Variants in PXDNL observed in about 807,000 individuals in gnomAD.
PXDNL encodes peroxidasin like.
Under a neutral mutation model 150.8 loss-of-function variants are expected in PXDNL, and 145 were observed. That is an observed-to-expected ratio of 0.96 (90% CI 0.84 to 1.10). The LOEUF (loss-of-function observed/expected upper bound fraction) is 1.10, where lower values mean the gene tolerates loss of function less well. Ranked by LOEUF, PXDNL falls within the 50% of genes least tolerant of loss-of-function variation. The pLI is 0.00. For missense variants in PXDNL, 2,087 were observed against 1,873.9 expected, an observed-to-expected ratio of 1.11 and a Z score of -2.10; for synonymous variants, 757 against 725.7, an observed-to-expected ratio of 1.04 and a Z score of -0.69.
intron 7 of PXDNL, among the ~76,000 whole-genome samples, chr8:51,473,955 T>A (rs1401701236): frequency 6.6e-6 from 1 of 152,198 alleles, no homozygotes; most frequent in African/African-American, 2.4e-5. Context: ...AAAGCTGGGA[T>A]ATCAGTTAAG....
Position 51,372,023 on chromosome 8 carries a change from C to T in PXDNL, c.3751G>A (p.Ala1251Thr). ...TCACAAAGCACCCGGCTCAGGGACG[C>T]CTGCTTCAGCTGAGTGAGTTGTGCC... ...TPAQLTQLKQASLSRVLCDNG... is the reference protein window; with the variant it reads ...TPAQLTQLKQTSLSRVLCDNG... The change falls in exon 19 of 23, where the codon GCG becomes ACG. Residue 1251 changes from alanine (A) to threonine (T), a missense_variant. By Grantham distance (58) the Ala-to-Thr change is moderately conservative. Coordinates refer to ENST00000356297, the MANE Select transcript of PXDNL (RefSeq NM_144651.5). 2 of 1,611,788 alleles carry T rather than the reference C, an allele frequency of 1.2e-6. No individual in the cohort carries two copies. Among genetic ancestry groups the T allele is most frequent in the South Asian group, 1.1e-5 (1 of 90,578 alleles).
chr8:51,452,514 C>T (rs1308067796), intron 10 of PXDNL, among the ~76,000 whole-genome samples: 2 of 152,168 alleles, frequency 1.3e-5, no homozygotes, highest in Admixed American at 1.3e-4. Flanking sequence ...AAAACATTCT[C>T]TGAATGCAGG....
At chr8:51,417,103 A>C (rs893944905) in intron 14 of PXDNL, among the ~76,000 whole-genome samples, 1 of 152,212 alleles carries the variant, frequency 6.6e-6, no homozygotes, top group Non-Finnish European at 1.5e-5. Context: ...AGAATTAATC[A>C]ATACTGTTGT....
At chr8:51,426,535 G>C (rs542705273) in intron 13 of PXDNL, 111 bp downstream of exon 13, 1 of 601,514 alleles carries the variant, frequency 1.7e-6, no homozygotes, top group African/African-American at 1.9e-5. Context: ...TTATTTGCTA[G>C]CAAAAGTCGC....
At chr8:51,486,777 TATATATATATATATATA>T (rs1254517511) in intron 5 of PXDNL, among the ~76,000 whole-genome samples, 25 of 12,074 alleles carry the variant, frequency 2.1e-3, no homozygotes, top group Admixed American at 4.6e-3. Context: ...TATATATATA[TATATATATATATATATA>T]TTTTTTTTTT....
intron 1 of PXDNL, among the ~76,000 whole-genome samples, chr8:51,667,260 TGTGCCG>T (rs1349407199): frequency 1.3e-5 from 2 of 152,214 alleles, no homozygotes; most frequent in Non-Finnish European, 2.9e-5. Flanking sequence ...CCACAGCTTC[TGTGCCG>T]CACAGAGCAT....
chr8:51,772,999 G>T (rs2037315168), intron 1 of PXDNL, among the ~76,000 whole-genome samples: 1 of 152,210 alleles, frequency 6.6e-6, no homozygotes, highest in Non-Finnish European at 1.5e-5. Flanking sequence ...ACACAACTGT[G>T]ATCTAGAGTT....
intron 1 of PXDNL, among the ~76,000 whole-genome samples, chr8:51,735,426 AGT>A (rs1817011575): frequency 1.3e-5 from 2 of 151,936 alleles, no homozygotes; most frequent in Non-Finnish European, 2.9e-5. Flanking sequence ...CAGAGGTTGC[AGT>A]GAGTCGAGAT....
chr8:51,666,852 TTC>T lies in PXDNL; in HGVS notation c.165-12094_165-12093del, dbSNP rs1815397719. 2.0e-5 allele frequency among the ~76,000 whole-genome samples: 3 copies of T among 152,154 alleles called. No homozygotes were observed. The South Asian group carries it at 6.2e-4, about 32-fold the overall frequency. On this transcript the variant is annotated intron_variant, in intron 1 of 22. Transcript: ENST00000356297. ...GTAGGAAAGCAAACTATGTTGGTTT[TTC>T]TGTCAATTTATTTTAATTCTCCCAG...
At chr8:51,659,413 C>T (rs970671357) in intron 1 of PXDNL, among the ~76,000 whole-genome samples, 12 of 152,128 alleles carry the variant, frequency 7.9e-5, no homozygotes, top group African/African-American at 2.9e-4. Context: ...AGAAGCAATT[C>T]GGAATCAACA....
chr8:51,623,840 T>A (rs914515400), intron 2 of PXDNL, among the ~76,000 whole-genome samples: 1 of 152,070 alleles, frequency 6.6e-6, no homozygotes, highest in Non-Finnish European at 1.5e-5. Flanking sequence ...ACACTTATAA[T>A]CCCAGCACTC....
chr8:51,529,831 C>G (rs1323396278), intron 4 of PXDNL, among the ~76,000 whole-genome samples: 3 of 152,210 alleles, frequency 2.0e-5, no homozygotes, highest in South Asian at 4.1e-4. Flanking sequence ...CACGAAAACT[C>G]TTCTTCTAGG....
chr8:51,761,773 AAAAT>A (rs2037169101), intron 1 of PXDNL, among the ~76,000 whole-genome samples: 1 of 152,240 alleles, frequency 6.6e-6, no homozygotes, highest in Non-Finnish European at 1.5e-5. Flanking sequence ...CTTAGTGAAA[AAAAT>A]AAATATAACA....
In PXDNL at chr8:51,616,872, G is replaced by A. The variant is rs113856489; in HGVS notation, c.237-24174C>T. Among the ~76,000 whole-genome samples, 929 of 152,144 alleles carry A rather than the reference G, an allele frequency of 6.1e-3. 18 individuals carry two copies. The highest frequency in any genetic ancestry group is 0.022 in the African/African-American group (895 of 41,500). On this transcript the variant is annotated intron_variant, in intron 2 of 22. Coordinates refer to ENST00000356297, the MANE Select transcript of PXDNL (RefSeq NM_144651.5). ...CTGTACTTTAAATCATCTCTAGATT[G>A]CTTATAATATAATATAATGTAAATG...
chr8:51,625,127 G>A (rs1485501168), intron 2 of PXDNL, among the ~76,000 whole-genome samples: 2 of 152,086 alleles, frequency 1.3e-5, no homozygotes, highest in African/African-American at 4.8e-5. Flanking sequence ...ACACAATAGA[G>A]AGAGCATTTA....
chr8:51,457,571 A>T lies in PXDNL; in HGVS notation c.909T>A (p.Tyr303Ter). The stretch of plus-strand genomic sequence containing the variant: ...CAGCGGAATTTCTGGCCATGCACTG[A>T]TAGACACCTTGGTCTGACTCTCTGG... ...RNTRESDQGV[Y>*]QCMARNSAGE... Residue 303 changes from tyrosine (Y) to a stop codon, truncating the protein, a stop_gained, in exon 9 of 23, where the codon TAT (tyrosine) becomes TAA (stop). Transcript: ENST00000356297. LOFTEE classifies it high-confidence loss of function. 3 of 1,613,916 alleles carry T rather than the reference A, an allele frequency of 1.9e-6. No individual in the cohort carries two copies. The highest frequency in any genetic ancestry group is 2.5e-6 in the Non-Finnish European group (3 of 1,179,814).
chr8:51,568,580 A>C (rs1014649303), intron 3 of PXDNL, among the ~76,000 whole-genome samples: 1 of 151,678 alleles, frequency 6.6e-6, no homozygotes, highest in Non-Finnish European at 1.5e-5. Flanking sequence ...CTAGGTGTAG[A>C]TTCTTTGGTA....
intron 1 of PXDNL, among the ~76,000 whole-genome samples, chr8:51,719,485 C>T (rs2130913515): frequency 6.6e-6 from 1 of 152,142 alleles, no homozygotes; most frequent in Admixed American, 6.5e-5. Context: ...TCTCAAGTAC[C>T]CAGGGACACA....
At chr8:51,534,458 GCC>G in intron 4 of PXDNL, among the ~76,000 whole-genome samples, 1 of 100,658 alleles carries the variant, frequency 9.9e-6, no homozygotes, top group African/African-American at 5.2e-5. Flanking sequence ...TGCCCGGCCA[GCC>G]GCCCCGTCCG....
Sources: allele counts gnomAD v4.1 joint callset (sites outside exome capture counted in the v4.1 genomes callset), GRCh38; gene constraint gnomAD v4.1.1; transcripts MANE v1.5; gene names NCBI Gene and HGNC (gene_info 2026-07-23, HGNC 2026-07-21).